SLIT2: variants seen among roughly 807,000 people sequenced by gnomAD.
SLIT2 encodes slit homolog 2 protein.
A neutral mutation model predicts 185.7 loss-of-function variants in SLIT2; 41 were observed. That is an observed-to-expected ratio of 0.22 (90% CI 0.17 to 0.29). The LOEUF (loss-of-function observed/expected upper bound fraction) is 0.29. Among genes scored for constraint, SLIT2 ranks in the 10% least tolerant of loss-of-function variants. The probability of loss-of-function intolerance (pLI) is 1.00; values close to 1 mark genes in which losing one functional copy is unlikely to be tolerated. For missense variants in SLIT2, 1,571 were observed against 1,909.0 expected (o/e 0.82, Z 3.30); for synonymous variants, 693 against 680.2 (o/e 1.02, Z -0.29).
intron 4 of SLIT2, among the ~76,000 whole-genome samples, chr4:20,289,319 A>G (rs2109075386): frequency 6.6e-6 from 1 of 152,138 alleles, no homozygotes; most frequent in South Asian, 2.1e-4. Flanking sequence ...CAGTTTTGAG[A>G]TGACTATTAA....
chr4:20,536,490 G>A (rs61789458), intron 18 of SLIT2, among the ~76,000 whole-genome samples: 42,609 of 149,934 alleles, frequency 0.28, 6,382 homozygotes, highest in Middle Eastern at 0.41. Flanking sequence ...CCCGGGAGGC[G>A]GAGGTTGCAG....
intron 4 of SLIT2, among the ~76,000 whole-genome samples, chr4:20,340,918 A>G (rs971087033): frequency 2.0e-5 from 3 of 152,190 alleles, no homozygotes; most frequent in Non-Finnish European, 2.9e-5. Flanking sequence ...TTTGTAATAT[A>G]TTAGAACACG....
In SLIT2 at chr4:20,304,632, C is replaced by T. The variant is rs147294149; in HGVS notation, c.395+35751C>T. Among the ~76,000 whole-genome samples the T allele has an allele frequency of 7.9e-5, 12 of 152,188 alleles. No individual in the cohort carries two copies. In the East Asian group the frequency reaches 1.9e-3, roughly 25 times the overall value. On this transcript the variant is annotated intron_variant, in intron 4 of 36. Coordinates refer to ENST00000504154, the MANE Select transcript of SLIT2 (RefSeq NM_004787.4). The stretch of plus-strand genomic sequence containing the variant: ...AGAGTGCACCATCTTGGAACAGCTG[C>T]CTTGCTGTTAGGAAGCCCGAGAAGT...
At chr4:20,594,111 A>G (rs1353587631) in intron 30 of SLIT2, among the ~76,000 whole-genome samples, 1 of 147,878 alleles carries the variant, frequency 6.8e-6, no homozygotes, top group Non-Finnish European at 1.5e-5. Flanking sequence ...ATATACACAT[A>G]TATATACACA....
At position 20,307,155 on chromosome 4, in the gene SLIT2, C is replaced by CTT. The variant is rs1161471489; in HGVS notation, c.395+38274_395+38275insTT. Reference sequence around the variant, plus strand: ...CCCTTCCTCCCTCCCTCCCTCCCTCCCTCCCTCCTTCCTTCCTTCCTTCCT... The same window carrying CTT: ...CCCTTCCTCCCTCCCTCCCTCCCTCCTTCTCCCTCCTTCCTTCCTTCCTTCCT... On this transcript the variant is annotated intron_variant, in intron 4 of 36. Coordinates refer to ENST00000504154, the MANE Select transcript of SLIT2 (RefSeq NM_004787.4). Among the ~76,000 whole-genome samples the CTT allele has an allele frequency of 4.4e-3, 292 of 66,108 alleles. 13 individuals carry two copies. The highest frequency in any genetic ancestry group is 0.014 in the Middle Eastern group (2 of 140). 43.4% of individuals were successfully genotyped at this position (66,108 alleles called of 152,430 possible). A position where few individuals can be genotyped will look rare whatever the true frequency, so the allele number is the denominator to read the frequency against.
At chr4:20,454,939 G>A (rs1472183835) in intron 4 of SLIT2, among the ~76,000 whole-genome samples, 1 of 151,626 alleles carries the variant, frequency 6.6e-6, no homozygotes, top group African/African-American at 2.4e-5. Context: ...CAAATAAGAA[G>A]CAAAGACATG....
Position 20,404,991 on chromosome 4 carries a change from T to A in SLIT2, c.396-62761T>A, listed in dbSNP as rs188684199. On this transcript the variant is annotated intron_variant, in intron 4 of 36. Transcript: ENST00000504154. Reference sequence around the variant, plus strand: ...TATGAACCTCTGTAAAAGATTTTATTTGTATATAATTCTCTGATTTTTGAA... The same window carrying A: ...TATGAACCTCTGTAAAAGATTTTATATGTATATAATTCTCTGATTTTTGAA... Among the ~76,000 whole-genome samples, 122 of 150,156 alleles carry A rather than the reference T, an allele frequency of 8.1e-4. 1 individual carries two copies. In the Middle Eastern group the frequency reaches 0.024, roughly 30 times the overall value.
intron 29 of SLIT2, among the ~76,000 whole-genome samples, chr4:20,584,585 T>C (rs550464311): frequency 6.6e-6 from 1 of 152,352 alleles, no homozygotes; most frequent in South Asian, 2.1e-4. Flanking sequence ...TTCACAGATA[T>C]TCAGTAAGTA....
chr4:20,579,392 T>C (rs1347705550), intron 29 of SLIT2, among the ~76,000 whole-genome samples: 1 of 152,094 alleles, frequency 6.6e-6, no homozygotes, highest in Non-Finnish European at 1.5e-5. Context: ...ACAAATCTCT[T>C]TGGGGTAATA....
In SLIT2 at chr4:20,619,867, T is replaced by A. The variant is rs1309644648; in HGVS notation, c.*858T>A. The A allele has an allele frequency of 6.6e-6, 1 of 152,104 alleles. No homozygotes were observed. Among genetic ancestry groups the A allele is most frequent in the African/African-American group, 2.4e-5 (1 of 41,380 alleles). 9.4% of individuals were successfully genotyped at this position (152,104 alleles called of 1,614,324 possible). On this transcript the variant is annotated 3_prime_UTR_variant, in exon 37 of 37. Transcript: ENST00000504154. ...GCTTTAATATATATTAATTTATAAT[T>A]ATCCTGATATTTTTGTACATTTTTC... is the stretch of plus-strand genomic sequence containing the variant.
Position 20,336,572 on chromosome 4 carries a change from C to A in SLIT2, c.395+67691C>A, listed in dbSNP as rs141934843. Among the ~76,000 whole-genome samples, 779 of 152,192 alleles carry A rather than the reference C, an allele frequency of 5.1e-3. 4 individuals carry two copies. The highest frequency in any genetic ancestry group is 0.018 in the African/African-American group (743 of 41,504). On this transcript the variant is annotated intron_variant, in intron 4 of 36. Coordinates refer to ENST00000504154, the MANE Select transcript of SLIT2 (RefSeq NM_004787.4). ...GAGAGGGATAGCATTAATAGAAATA[C>A]CTAATGTAGATGATGAGTTAATGGG...
chr4:20,472,268 A>ATATATCGATATATATC (rs1715183591), intron 5 of SLIT2, among the ~76,000 whole-genome samples: 5 of 38,784 alleles, frequency 1.3e-4, no homozygotes, highest in African/African-American at 7.0e-4. Flanking sequence ...CTATATATAG[A>ATATATCGATATATATC]TATATATCTA....
At chr4:20,336,432 C>T (rs1227321775) in intron 4 of SLIT2, among the ~76,000 whole-genome samples, 1 of 152,104 alleles carries the variant, frequency 6.6e-6, no homozygotes, top group Admixed American at 6.5e-5. Context: ...ATCGCAAGAA[C>T]AGAAAACCTA....
At chr4:20,264,699 C>A (rs1712849446) in intron 3 of SLIT2, among the ~76,000 whole-genome samples, 1 of 151,858 alleles carries the variant, frequency 6.6e-6, no homozygotes, top group Admixed American at 6.6e-5. Flanking sequence ...TTGTGCAATG[C>A]AGAAAGATCA....
intron 4 of SLIT2, 26 bp from the exon 5 acceptor site, chr4:20,467,726 A>T: frequency 1.4e-6 from 2 of 1,415,766 alleles, no homozygotes; most frequent in South Asian, 1.2e-5. Flanking sequence ...TTCTAACGTG[A>T]TCCTTTTTGT....
At position 20,406,620 on chromosome 4, in the gene SLIT2, A is replaced by G. The variant is rs1011075461; in HGVS notation, c.396-61132A>G. Among the ~76,000 whole-genome samples, 8 of 144,374 alleles carry G rather than the reference A, an allele frequency of 5.5e-5. 1 individual carries two copies. The highest frequency in any genetic ancestry group is 9.3e-5 in the Non-Finnish European group (6 of 64,766). 94.7% of individuals were successfully genotyped at this position (144,374 alleles called of 152,430 possible). A position where few individuals can be genotyped will look rare whatever the true frequency, so the allele number is the denominator to read the frequency against. On this transcript the variant is annotated intron_variant, in intron 4 of 36. Transcript: ENST00000504154. ...GACATACCATCACTTATCTATTACT[A>G]TGACTATTAAAACTTTCTTAAAAAA...
chr4:20,424,793 T>A (rs1477408966), intron 4 of SLIT2, among the ~76,000 whole-genome samples: 1 of 152,146 alleles, frequency 6.6e-6, no homozygotes, highest in East Asian at 1.9e-4. Context: ...TCATTACCTT[T>A]TGTTTTCATC....
intron 4 of SLIT2, among the ~76,000 whole-genome samples, chr4:20,308,009 T>C (rs1315312354): frequency 3.3e-5 from 5 of 152,198 alleles, no homozygotes; most frequent in African/African-American, 7.2e-5. Flanking sequence ...TTTGAAAGAC[T>C]CACATGCCAG....
intron 17 of SLIT2, among the ~76,000 whole-genome samples, chr4:20,532,485 G>T (rs955737675): frequency 1.3e-4 from 20 of 151,930 alleles, no homozygotes; most frequent in Admixed American, 3.3e-4. Flanking sequence ...AAACTGGCTT[G>T]ATAGCTCATC....
Sources: allele counts gnomAD v4.1 joint callset (sites outside exome capture counted in the v4.1 genomes callset), GRCh38; gene constraint gnomAD v4.1.1; transcripts MANE v1.5; gene names NCBI Gene and HGNC (gene_info 2026-07-23, HGNC 2026-07-21).